KIAA1217: variants seen among roughly 807,000 people sequenced by gnomAD.
KIAA1217 encodes the protein KIAA1217.
A neutral mutation model predicts 163.9 loss-of-function variants in KIAA1217; 88 were observed. The observed-to-expected ratio is 0.54, with a 90% confidence interval of 0.45 to 0.64. The LOEUF (loss-of-function observed/expected upper bound fraction) is 0.64. Ranked by LOEUF, KIAA1217 falls within the 30% of genes least tolerant of loss-of-function variation. The probability of loss-of-function intolerance (pLI) is 0.00; values close to 1 mark genes in which losing one functional copy is unlikely to be tolerated. For missense variants in KIAA1217, 2,372 were observed against 2,475.0 expected, an observed-to-expected ratio of 0.96 and a Z score of 0.88; for synonymous variants, 903 against 923.1, an observed-to-expected ratio of 0.98 and a Z score of 0.39.
At chr10:24,085,057 GC>G (rs2061653482) in intron 2 of KIAA1217, among the ~76,000 whole-genome samples, 1 of 151,882 alleles carries the variant, frequency 6.6e-6, no homozygotes, top group South Asian at 2.1e-4. Flanking sequence ...GGGACTACAG[GC>G]GCCCGCCACC....
At chr10:24,409,997 CTTTTTTT>C (rs71397947) in intron 3 of KIAA1217, among the ~76,000 whole-genome samples, 9 of 123,872 alleles carry the variant, frequency 7.3e-5, no homozygotes, top group African/African-American at 2.2e-4. Context: ...TTTCTTTTTT[CTTTTTTT>C]TTTTTTTTTT....
intron 2 of KIAA1217, among the ~76,000 whole-genome samples, chr10:24,195,672 A>T (rs1431034955): frequency 6.6e-6 from 1 of 152,146 alleles, no homozygotes; most frequent in African/African-American, 2.4e-5. Flanking sequence ...ACTGAATGAG[A>T]ATTGTTTTTA....
intron 1 of KIAA1217, among the ~76,000 whole-genome samples, chr10:23,754,951 TA>T (rs145680259): frequency 0.12 from 17,690 of 147,418 alleles, 2,022 homozygotes; most frequent in African/African-American, 0.3. Flanking sequence ...GAAAAGGAAT[TA>T]AAAAAAAAAC....
chr10:23,856,164 G>C (rs189069953), intron 1 of KIAA1217, among the ~76,000 whole-genome samples: 1 of 152,174 alleles, frequency 6.6e-6, no homozygotes, highest in Non-Finnish European at 1.5e-5. Context: ...GGTCTTTGAT[G>C]ATGGTGATGT....
At chr10:24,403,758 A>G (rs2056846609) in intron 3 of KIAA1217, among the ~76,000 whole-genome samples, 1 of 152,244 alleles carries the variant, frequency 6.6e-6, no homozygotes, top group Non-Finnish European at 1.5e-5. Context: ...AAGATGTTCA[A>G]CATCATTAGC....
chr10:23,967,702 C>T (rs1845124830), intron 1 of KIAA1217, among the ~76,000 whole-genome samples: 1 of 152,062 alleles, frequency 6.6e-6, no homozygotes, highest in African/African-American at 2.4e-5. Context: ...TACAATAATG[C>T]ATTTATTTTT....
At chr10:23,822,897 A>G (rs1313719849) in intron 1 of KIAA1217, among the ~76,000 whole-genome samples, 1 of 152,230 alleles carries the variant, frequency 6.6e-6, no homozygotes, top group Non-Finnish European at 1.5e-5. Context: ...AAAATCAATT[A>G]GCACATATAC....
intron 2 of KIAA1217, among the ~76,000 whole-genome samples, chr10:24,315,614 C>T (rs1426811263): frequency 6.6e-6 from 1 of 152,062 alleles, no homozygotes; most frequent in East Asian, 1.9e-4. Flanking sequence ...GGAGTGGTGG[C>T]CCACACCTGT....
chr10:24,391,558 T>A (rs1041832613), intron 3 of KIAA1217, among the ~76,000 whole-genome samples: 5 of 152,042 alleles, frequency 3.3e-5, no homozygotes, highest in Non-Finnish European at 1.5e-5. Flanking sequence ...TTGGCCAAGC[T>A]GGTCTCGAAC....
At chr10:23,834,447 G>A (rs1285808367) in intron 1 of KIAA1217, among the ~76,000 whole-genome samples, 1 of 152,088 alleles carries the variant, frequency 6.6e-6, no homozygotes, top group Non-Finnish European at 1.5e-5. Flanking sequence ...TCTAAGTCCT[G>A]GAGGTTTAGC....
At chr10:24,469,404 C>A (rs1039056261) in intron 5 of KIAA1217, among the ~76,000 whole-genome samples, 1 of 151,696 alleles carries the variant, frequency 6.6e-6, no homozygotes, top group African/African-American at 2.4e-5. Context: ...GGATTATAGG[C>A]GTGAACCACT....
chr10:24,069,062 A>C (rs2061082216), intron 2 of KIAA1217, among the ~76,000 whole-genome samples: 1 of 152,186 alleles, frequency 6.6e-6, no homozygotes, highest in Non-Finnish European at 1.5e-5. Flanking sequence ...CACAGGGAAA[A>C]ACTAGGAGCT....
At chr10:23,979,873 T>C (rs1435290885) in intron 1 of KIAA1217, among the ~76,000 whole-genome samples, 1 of 152,218 alleles carries the variant, frequency 6.6e-6, no homozygotes, top group Non-Finnish European at 1.5e-5. Flanking sequence ...TTCTAATTTT[T>C]GTTCCTTATT....
chr10:23,899,146 A>G (rs1841846364), intron 1 of KIAA1217, among the ~76,000 whole-genome samples: 1 of 152,076 alleles, frequency 6.6e-6, no homozygotes, highest in African/African-American at 2.4e-5. Context: ...TGTTCATGTC[A>G]TCGTATTCAT....
At chr10:24,241,440 C>T (rs1452072210) in intron 2 of KIAA1217, among the ~76,000 whole-genome samples, 3 of 152,030 alleles carry the variant, frequency 2.0e-5, no homozygotes, top group Non-Finnish European at 4.4e-5. Context: ...TATTAATTTA[C>T]TTTTTACTGG....
intron 1 of KIAA1217, among the ~76,000 whole-genome samples, chr10:23,806,187 G>A (rs1242309502): frequency 6.6e-6 from 1 of 152,056 alleles, no homozygotes; most frequent in African/African-American, 2.4e-5. Flanking sequence ...ACTTGCACCT[G>A]TGTGCACGTG....
At chr10:24,121,464 T>C (rs2063279685) in intron 2 of KIAA1217, among the ~76,000 whole-genome samples, 1 of 152,174 alleles carries the variant, frequency 6.6e-6, no homozygotes, top group Non-Finnish European at 1.5e-5. Flanking sequence ...TGAACAAATG[T>C]GTTTTAGTTG....
chr10:24,073,615 A>G (rs1406736264), intron 2 of KIAA1217, among the ~76,000 whole-genome samples: 2 of 152,218 alleles, frequency 1.3e-5, no homozygotes, highest in Non-Finnish European at 2.9e-5. Flanking sequence ...TGGAAGAGAC[A>G]GCGATGCACT....
chr10:24,043,126 G>C (rs752870344), intron 2 of KIAA1217, among the ~76,000 whole-genome samples: 1 of 152,080 alleles, frequency 6.6e-6, no homozygotes, highest in South Asian at 2.1e-4. Context: ...TTATTTTAGC[G>C]TATGTAATCA....
Sources: allele counts gnomAD v4.1 joint callset (sites outside exome capture counted in the v4.1 genomes callset), GRCh38; gene constraint gnomAD v4.1.1; transcripts MANE v1.5; gene names NCBI Gene and HGNC (gene_info 2026-07-23, HGNC 2026-07-21).